Variants in ATRNL1 observed in about 807,000 individuals in gnomAD.
ATRNL1 encodes attractin like 1.
In ATRNL1, 95 loss-of-function variants were observed where a neutral mutation model predicts 182.7. That is an observed-to-expected ratio of 0.52 (90% confidence interval 0.44 to 0.62). ATRNL1 has a LOEUF of 0.62. Ranked by LOEUF, ATRNL1 falls within the 20% of genes least tolerant of loss-of-function variation. ATRNL1 has a pLI of 0.00. For missense variants in ATRNL1, 1,471 were observed against 1,679.5 expected (o/e 0.88, Z 2.17); for synonymous variants, 576 against 568.3 (o/e 1.01, Z -0.19).
intron 19 of ATRNL1, among the ~76,000 whole-genome samples, chr10:115,362,598 C>A (rs1261136302): frequency 1.3e-5 from 2 of 151,522 alleles, no homozygotes; most frequent in Non-Finnish European, 2.9e-5. Context: ...TATACATGTG[C>A]CATGCTGGTG....
At position 115,865,145 on chromosome 10, in the gene ATRNL1, C is replaced by T. The variant is rs184597457; in HGVS notation, c.4018+17154C>T. ...AACATATACACGCAATAAAATCCTG[C>T]ATTAAATCCTGGACCAAAAATAATA... On this transcript the variant is annotated intron_variant, in intron 28 of 28. Coordinates refer to ENST00000355044, the MANE Select transcript of ATRNL1 (RefSeq NM_207303.4). Among the ~76,000 whole-genome samples the T allele has an allele frequency of 5.9e-5, 9 of 152,206 alleles. No homozygotes were observed. The East Asian group carries it at 1.5e-3, about 26-fold the overall frequency.
intron 27 of ATRNL1, among the ~76,000 whole-genome samples, chr10:115,731,919 GT>G (rs1947811798): frequency 6.6e-6 from 1 of 150,484 alleles, no homozygotes; most frequent in African/African-American, 2.4e-5. Context: ...TATATACAGT[GT>G]GATCTTTTGT....
At chr10:115,331,008 T>C (rs1554934876) in intron 18 of ATRNL1, among the ~76,000 whole-genome samples, 1 of 152,128 alleles carries the variant, frequency 6.6e-6, no homozygotes, top group South Asian at 2.1e-4. Context: ...CAATAGCTTG[T>C]TTTTGAAATC....
chr10:115,513,309 C>G (rs782029155), intron 24 of ATRNL1, among the ~76,000 whole-genome samples: 3 of 151,980 alleles, frequency 2.0e-5, no homozygotes, highest in Non-Finnish European at 4.4e-5. Flanking sequence ...CTCAGCACTT[C>G]TGCATATTTT....
intron 26 of ATRNL1, among the ~76,000 whole-genome samples, chr10:115,664,073 C>T (rs942096096): frequency 1.3e-5 from 2 of 152,136 alleles, no homozygotes; most frequent in African/African-American, 4.8e-5. Context: ...CCTACAATAG[C>T]ATCCTTCCTT....
chr10:115,287,078 A>G (rs1455098382), intron 15 of ATRNL1, among the ~76,000 whole-genome samples: 2 of 151,962 alleles, frequency 1.3e-5, no homozygotes, highest in African/African-American at 4.8e-5. Context: ...TATGTTACCA[A>G]TTACTTGCTA....
intron 21 of ATRNL1, among the ~76,000 whole-genome samples, chr10:115,450,746 G>T (rs950314237): frequency 9.2e-5 from 14 of 152,224 alleles, no homozygotes; most frequent in Admixed American, 6.5e-4. Context: ...ACTACCAGCA[G>T]CATTCTTCAC....
intron 27 of ATRNL1, among the ~76,000 whole-genome samples, chr10:115,781,309 C>T (rs1165795353): frequency 6.6e-6 from 1 of 152,142 alleles, no homozygotes; most frequent in Non-Finnish European, 1.5e-5. Context: ...TATTCTAAAG[C>T]TAAACATATA....
chr10:115,389,567 T>C (rs868908344), intron 19 of ATRNL1, among the ~76,000 whole-genome samples: 1 of 117,670 alleles, frequency 8.5e-6, no homozygotes, highest in Non-Finnish European at 1.8e-5. Flanking sequence ...TATATATATA[T>C]ATATATATAT....
intron 27 of ATRNL1, among the ~76,000 whole-genome samples, chr10:115,835,063 CATT>C (rs1267331227): frequency 6.6e-6 from 1 of 151,894 alleles, no homozygotes; most frequent in South Asian, 2.1e-4. Flanking sequence ...TAATAGTTGA[CATT>C]ATTATTATTA....
intron 5 of ATRNL1, among the ~76,000 whole-genome samples, chr10:115,140,060 C>A (rs1218215791): frequency 6.6e-6 from 1 of 152,130 alleles, no homozygotes; most frequent in Non-Finnish European, 1.5e-5. Flanking sequence ...ACCACTGGCA[C>A]CCTTTCAGTA....
intron 19 of ATRNL1, among the ~76,000 whole-genome samples, chr10:115,346,122 C>A (rs1311445951): frequency 1.3e-5 from 2 of 152,056 alleles, no homozygotes; most frequent in Non-Finnish European, 2.9e-5. Flanking sequence ...TAAAGTTTAC[C>A]ATTTTAAACA....
chr10:115,541,858 A>G (rs1222305849), intron 25 of ATRNL1, among the ~76,000 whole-genome samples: 1 of 152,172 alleles, frequency 6.6e-6, no homozygotes, highest in Non-Finnish European at 1.5e-5. Context: ...TGTTTCTTCA[A>G]GCTGGTGGTT....
intron 9 of ATRNL1, among the ~76,000 whole-genome samples, chr10:115,236,323 G>A (rs1034463896): frequency 6.6e-6 from 1 of 152,108 alleles, no homozygotes; most frequent in Non-Finnish European, 1.5e-5. Context: ...ATCTATCTGT[G>A]CTTAAATGCT....
intron 26 of ATRNL1, among the ~76,000 whole-genome samples, chr10:115,556,878 GTGTGTGTATC>G (rs1853345665): frequency 6.6e-6 from 1 of 150,832 alleles, no homozygotes; most frequent in African/African-American, 2.4e-5. Context: ...GTGTGTGTGC[GTGTGTGTATC>G]TGTGTGTATG....
intron 8 of ATRNL1, among the ~76,000 whole-genome samples, chr10:115,196,030 T>A (rs1848346843): frequency 6.6e-6 from 1 of 152,056 alleles, no homozygotes; most frequent in Non-Finnish European, 1.5e-5. Flanking sequence ...GTCCAGTGGC[T>A]CACACCTATA....
chr10:115,581,568 T>C (rs1358090697), intron 26 of ATRNL1, among the ~76,000 whole-genome samples: 1 of 152,142 alleles, frequency 6.6e-6, no homozygotes, highest in Admixed American at 6.6e-5. Context: ...TAGTTTGATA[T>C]ATGTAAATTA....
At chr10:115,296,510 T>G (rs1853200153) in intron 15 of ATRNL1, among the ~76,000 whole-genome samples, 1 of 152,220 alleles carries the variant, frequency 6.6e-6, no homozygotes, top group Admixed American at 6.5e-5. Flanking sequence ...AGCATGTATA[T>G]TTCTCATGAG....
intron 28 of ATRNL1, among the ~76,000 whole-genome samples, chr10:115,913,677 C>T (rs1161933237): frequency 6.6e-6 from 1 of 152,174 alleles, no homozygotes; most frequent in East Asian, 1.9e-4. Flanking sequence ...CAGCACTGCT[C>T]ACATGTTCTA....
Sources: allele counts gnomAD v4.1 joint callset (sites outside exome capture counted in the v4.1 genomes callset), GRCh38; gene constraint gnomAD v4.1.1; transcripts MANE v1.5; gene names NCBI Gene and HGNC (gene_info 2026-07-23, HGNC 2026-07-21).